MTFP1: variants seen among roughly 807,000 people sequenced by gnomAD.
MTFP1 encodes mitochondrial fission process protein 1.
MTFP1 carries 19 observed loss-of-function variants against 17.1 expected under a neutral mutation model. That is an observed-to-expected ratio of 1.11 (90% CI 0.77 to 1.63). MTFP1 has a LOEUF of 1.63. MTFP1 is among the 40% of genes most tolerant of loss of function. The pLI, the probability that MTFP1 is intolerant of heterozygous loss-of-function variation, is 0.00. For synonymous variants in MTFP1, 89 were observed against 95.2 expected, an observed-to-expected ratio of 0.93 and a Z score of 0.38; for missense variants, 221 against 226.2, an observed-to-expected ratio of 0.98 and a Z score of 0.15.
chr22:30,427,443 G>C, intron 3 of MTFP1, 40 bp downstream of exon 3: 1 of 1,548,320 alleles, frequency 6.5e-7, no homozygotes, highest in Non-Finnish European at 8.9e-7. Flanking sequence ...CCACTCTCCA[G>C]TGATGAGAGT....
At chr22:30,426,044 A>T (rs1420525086) in intron 1 of MTFP1, 98 bp downstream of exon 1, 1 of 1,163,728 alleles carries the variant, frequency 8.6e-7, no homozygotes, top group Non-Finnish European at 1.2e-6. Flanking sequence ...AGGCGGGATG[A>T]TCTTAGTTCT....
In MTFP1 at chr22:30,428,833, G is replaced by GT; in HGVS notation, c.*299_*300insT. ...AAAATTACATCCTCCCATGGAGGAT[G>GT]AGAGACTGAGGCTCAGGGAGGGCAA... On this transcript the variant is annotated 3_prime_UTR_variant, in exon 4 of 4. Transcript: ENST00000266263. 4.5e-6 allele frequency: 3 copies of GT among 672,354 alleles called. No homozygotes were observed. Among genetic ancestry groups the GT allele is most frequent in the Non-Finnish European group, 7.6e-6 (3 of 396,806 alleles). 41.6% of individuals were successfully genotyped at this position (672,354 alleles called of 1,614,324 possible).
Position 30,425,908 on chromosome 22 carries a change from A to G in MTFP1, c.29A>G (p.Glu10Gly). The change falls in exon 1 of 4, where the codon GAG (glutamate) becomes GGG (glycine). Residue 10 changes from glutamate to glycine, a missense_variant. Glu to Gly is a moderately conservative substitution (Grantham distance 98). Coordinates refer to ENST00000266263, the MANE Select transcript of MTFP1 (RefSeq NM_016498.5). ...TCAGAGCCGCAGCCGCGGGGCGCAG[A>G]GCGCGATCTCTACCGGGACACGTGG... MSEPQPRGA[E>G]RDLYRDTWVR... 6.5e-7 allele frequency: 1 copy of G among 1,534,534 alleles called. No homozygotes were observed. The highest frequency in any genetic ancestry group is 8.8e-7 in the Non-Finnish European group (1 of 1,141,258).
chr22:30,427,441 C>T (rs772362159), intron 3 of MTFP1, 38 bp downstream of exon 3: 18 of 1,557,430 alleles, frequency 1.2e-5, no homozygotes, highest in Non-Finnish European at 1.4e-5. Flanking sequence ...ATCCACTCTC[C>T]AGTGATGAGA....
At chr22:30,427,499 G>T in intron 3 of MTFP1, 96 bp downstream of exon 3, 1 of 1,327,232 alleles carries the variant, frequency 7.5e-7, no homozygotes, top group Non-Finnish European at 1.1e-6. Context: ...GAAGTGTGGG[G>T]TATGCCCACT....
intron 1 of MTFP1, 109 bp downstream of exon 1, chr22:30,426,055 C>T (rs1934662333): frequency 6.4e-6 from 7 of 1,098,390 alleles, no homozygotes; most frequent in Non-Finnish European, 7.4e-6. Context: ...TCTTAGTTCT[C>T]ATTCTGCTTT....
Position 30,426,898 on chromosome 22 carries a change from T to C in MTFP1, c.195+54T>C, listed in dbSNP as rs1265326785. ...AACCCTAGCTCTCTTCTTGTGTGGT[T>C]CAGTCCACAGCCTTGCATGTGATAA... On this transcript the variant is annotated intron_variant, in intron 2 of 3. Transcript: ENST00000266263. The C allele has an allele frequency of 2.5e-6, 4 of 1,598,858 alleles. No individual in the cohort carries two copies. The Admixed American group carries it at 6.7e-5, about 27-fold the overall frequency.
rs1255235627 is a variant in MTFP1, at chr22:30,425,815, C to T, written c.-65C>T. 16 of 1,463,614 alleles carry T rather than the reference C, an allele frequency of 1.1e-5. No individual in the cohort carries two copies. The highest frequency in any genetic ancestry group is 1.3e-5 in the Non-Finnish European group (14 of 1,101,252). 90.7% of individuals were successfully genotyped at this position (1,463,614 alleles called of 1,614,324 possible). The stretch of plus-strand genomic sequence containing the variant: ...GGTCCCGGCCGGGCAGACCCAAGTG[C>T]CGGCGGCGGAGACTGCAGTGGAGCC... On this transcript the variant is annotated 5_prime_UTR_variant, in exon 1 of 4. Coordinates refer to ENST00000266263, the MANE Select transcript of MTFP1 (RefSeq NM_016498.5).
chr22:30,426,906 C>T (rs1934681004), intron 2 of MTFP1, 62 bp downstream of exon 2: 25 of 1,596,010 alleles, frequency 1.6e-5, no homozygotes, highest in Non-Finnish European at 2.0e-5. Context: ...GTTCAGTCCA[C>T]AGCCTTGCAT....
Position 30,426,819 on chromosome 22 carries a change from T to A in MTFP1, c.170T>A (p.Ile57Asn), listed in dbSNP as rs779604239. The change falls in exon 2 of 4, where the codon ATT becomes AAT. Residue 57 changes from isoleucine to asparagine, a missense_variant. Physicochemically the swap from Ile to Asn is moderately radical, Grantham distance 149. Transcript: ENST00000266263. ...AGCTCCTACGTGCTGGCGGATGCCATTGACAAAGGCAAGAAGGCTGGAGAG... is the reference window on the plus strand; with the variant it reads ...AGCTCCTACGTGCTGGCGGATGCCAATGACAAAGGCAAGAAGGCTGGAGAG... ...VASSYVLADAIDKGKKAGEVP... is the reference protein window; with the variant it reads ...VASSYVLADANDKGKKAGEVP... 1.2e-6 allele frequency: 2 copies of A among 1,612,902 alleles called. No individual in the cohort carries two copies. The highest frequency in any genetic ancestry group is 1.7e-6 in the Non-Finnish European group (2 of 1,179,998).
rs755964763 is a variant in MTFP1 at position 30,427,308 on chromosome 22, G to A, written c.333G>A (p.Leu111=). The change falls in exon 3 of 4, where the codon CTG becomes CTA. Residue 111 remains leucine (L), a synonymous_variant. Coordinates refer to ENST00000266263, the MANE Select transcript of MTFP1 (RefSeq NM_016498.5). Reference sequence around the variant, plus strand: ...TGTGTGCTGCCTCTCTCTATGTCCTGGGCACTGCCACCCGCTGGCCCCTGG... The same window carrying A: ...TGTGTGCTGCCTCTCTCTATGTCCTAGGCACTGCCACCCGCTGGCCCCTGG... ...NRVCAASLYV[L]GTATRWPLAV... The A allele has an allele frequency of 2.5e-6, 4 of 1,614,074 alleles. No homozygotes were observed. In the South Asian group the frequency reaches 4.4e-5, roughly 18 times the overall value.
chr22:30,425,808 C>T lies in MTFP1; in HGVS notation c.-72C>T. On this transcript the variant is annotated 5_prime_UTR_variant, in exon 1 of 4. Coordinates refer to ENST00000266263, the MANE Select transcript of MTFP1 (RefSeq NM_016498.5). The stretch of plus-strand genomic sequence containing the variant: ...TTCGGCGGGTCCCGGCCGGGCAGAC[C>T]CAAGTGCCGGCGGCGGAGACTGCAG... The T allele has an allele frequency of 6.9e-7, 1 of 1,444,322 alleles. No homozygotes were observed. Among genetic ancestry groups the T allele is most frequent in the Non-Finnish European group, 9.2e-7 (1 of 1,087,170 alleles). The allele number at this position is 1,444,322 out of a possible 1,614,324, so 89.5% of individuals were successfully genotyped here. A position where few individuals can be genotyped will look rare whatever the true frequency, so the allele number is the denominator to read the frequency against.
chr22:30,426,402 G>C (rs1419234914), intron 1 of MTFP1, among the ~76,000 whole-genome samples: 1 of 152,220 alleles, frequency 6.6e-6, no homozygotes, highest in Non-Finnish European at 1.5e-5. Context: ...GGTCAGTGGC[G>C]CTGCCCTCGA....
At chr22:30,426,635 T>C in intron 1 of MTFP1, 82 bp from the exon 2 acceptor site, 3 of 1,558,176 alleles carry the variant, frequency 1.9e-6, no homozygotes, top group Non-Finnish European at 2.6e-6. Flanking sequence ...ACTGCTTAGC[T>C]GGCTAGGATG....
In MTFP1 at chr22:30,425,928, A is replaced by G. The variant is rs1186742077; in HGVS notation, c.49A>G (p.Thr17Ala). The G allele has an allele frequency of 6.5e-7, 1 of 1,530,844 alleles. No homozygotes were observed. The highest frequency in any genetic ancestry group is 1.4e-5 in the African/African-American group (1 of 71,254). 94.8% of individuals were successfully genotyped at this position (1,530,844 alleles called of 1,614,324 possible). The change falls in exon 1 of 4, where the codon ACG becomes GCG. Residue 17 changes from threonine (T) to alanine (A), a missense_variant. Coordinates refer to ENST00000266263, the MANE Select transcript of MTFP1 (RefSeq NM_016498.5). ...CGCAGAGCGCGATCTCTACCGGGAC[A>G]CGTGGGTGCGATACCTGGGTGAGCG... ...RGAERDLYRD[T>A]WVRYLGYANE...
At chr22:30,428,278 G>A (rs1934705657) in intron 3 of MTFP1, among the ~76,000 whole-genome samples, 184 bp from the exon 4 acceptor site, 1 of 152,208 alleles carries the variant, frequency 6.6e-6, no homozygotes, top group African/African-American at 2.4e-5. Flanking sequence ...CTTCTATTCT[G>A]GGAGTTTGAT....
chr22:30,426,236 A>G (rs183967496), intron 1 of MTFP1, among the ~76,000 whole-genome samples: 1 of 152,142 alleles, frequency 6.6e-6, no homozygotes, highest in African/African-American at 2.4e-5. Context: ...CCTGACACGC[A>G]CTGGCTCTGT....
rs1358095316 is a variant in MTFP1 at position 30,428,456 on chromosome 22, C to G, written c.429-6C>G. ...CACCTGCTCACCACCCTTCCACTCCCTACAGGTCGGTGGATTTCCTCCTGG... is the reference window on the plus strand; with the variant it reads ...CACCTGCTCACCACCCTTCCACTCCGTACAGGTCGGTGGATTTCCTCCTGG... On this transcript the variant is annotated splice_region_variant and splice_polypyrimidine_tract_variant and intron_variant, in intron 3 of 3. Coordinates refer to ENST00000266263, the MANE Select transcript of MTFP1 (RefSeq NM_016498.5). 6.2e-7 allele frequency: 1 copy of G among 1,613,898 alleles called. No individual in the cohort carries two copies. The highest frequency in any genetic ancestry group is 1.7e-5 in the Admixed American group (1 of 60,014).
chr22:30,428,592 C>A lies in MTFP1; in HGVS notation c.*58C>A. 1 of 1,614,212 alleles carries A rather than the reference C, an allele frequency of 6.2e-7. No homozygotes were observed. The highest frequency in any genetic ancestry group is 8.5e-7 in the Non-Finnish European group (1 of 1,180,038). On this transcript the variant is annotated 3_prime_UTR_variant, in exon 4 of 4. Coordinates refer to ENST00000266263, the MANE Select transcript of MTFP1 (RefSeq NM_016498.5). ...TCCTGCTTCATGTCAACCTCCTACT[C>A]CTGCCAGGGAATGTGGACACCTGGC...
Sources: gnomAD v4.1 joint callset for allele counts (sites outside exome capture counted in the v4.1 genomes callset) on GRCh38, gnomAD v4.1.1 for gene constraint, MANE v1.5 for transcripts, NCBI Gene and HGNC (gene_info 2026-07-23, HGNC 2026-07-21) for gene names.